OGFOD3: variants seen among roughly 807,000 people sequenced by gnomAD.
OGFOD3 encodes the protein 2-oxoglutarate and iron-dependent oxygenase domain-containing protein 3.
A neutral mutation model predicts 39.8 loss-of-function variants in OGFOD3; 35 were observed. That is an observed-to-expected ratio of 0.88 (90% CI 0.67 to 1.17). The LOEUF (loss-of-function observed/expected upper bound fraction) is 1.17. OGFOD3 is among the 50% of genes most tolerant of loss of function. The probability of loss-of-function intolerance (pLI) is 0.00; values close to 1 mark genes in which losing one functional copy is unlikely to be tolerated. For synonymous variants in OGFOD3, 200 were observed against 192.0 expected, an observed-to-expected ratio of 1.04 and a Z score of -0.34; for missense variants, 438 against 454.5, an observed-to-expected ratio of 0.96 and a Z score of 0.33.
intron 7 of OGFOD3, among the ~76,000 whole-genome samples, chr17:82,398,812 A>G (rs567558437): frequency 2.8e-4 from 43 of 151,570 alleles, no homozygotes; most frequent in Admixed American, 1.2e-3. Context: ...GCTTTAAACA[A>G]TCCTCCTGCC....
In OGFOD3 at chr17:82,415,320, A is replaced by G; in HGVS notation, c.304+78T>C. 7.0e-7 allele frequency: 1 copy of G among 1,423,284 alleles called. No individual in the cohort carries two copies. The highest frequency in any genetic ancestry group is 9.8e-7 in the Non-Finnish European group (1 of 1,024,530). The allele number at this position is 1,423,284 out of a possible 1,614,324, so 88.2% of individuals were successfully genotyped here. ...CCCCCAAGCATACCACATCCAACCC[A>G]ATTCCCACCCCTTCGTCGCAGCCAA... On this transcript the variant is annotated intron_variant, in intron 2 of 8. Coordinates refer to ENST00000313056, the MANE Select transcript of OGFOD3 (RefSeq NM_024648.3). This position sits in a 1 kb window ranked among gnomAD's most constrained non-coding sequence, Gnocchi z 5.3.
intron 7 of OGFOD3, among the ~76,000 whole-genome samples, chr17:82,398,886 C>T (rs372806022): frequency 1.4e-5 from 2 of 142,882 alleles, no homozygotes; most frequent in Non-Finnish European, 1.5e-5. Flanking sequence ...TTTTTCTTTT[C>T]TATTTTTTTT....
chr17:82,415,663 G>C lies in OGFOD3; in HGVS notation c.75-36C>G. 9 of 1,554,820 alleles carry C rather than the reference G, an allele frequency of 5.8e-6. No individual in the cohort carries two copies. Among genetic ancestry groups the C allele is most frequent in the Non-Finnish European group, 7.9e-6 (9 of 1,141,858 alleles). On this transcript the variant is annotated intron_variant, in intron 1 of 8. Transcript: ENST00000313056. This position sits in a 1 kb window ranked among gnomAD's most constrained non-coding sequence, Gnocchi z 5.3. Reference sequence around the variant, plus strand: ...AAAACAGGCCACGTCACCCAAACACGGAGTGAGGCCAGAGAAAACGCTCCC... The same window carrying C: ...AAAACAGGCCACGTCACCCAAACACCGAGTGAGGCCAGAGAAAACGCTCCC...
In OGFOD3 at chr17:82,404,157, G is replaced by A. The variant is rs372506195; in HGVS notation, c.546-67C>T. On this transcript the variant is annotated intron_variant, in intron 6 of 8. Coordinates refer to ENST00000313056, the MANE Select transcript of OGFOD3 (RefSeq NM_024648.3). This position sits in a 1 kb window ranked among gnomAD's most constrained non-coding sequence, Gnocchi z 4.5. The stretch of plus-strand genomic sequence containing the variant: ...AGGGGACGCTCGTGGGTCCCAACCC[G>A]TGGGTGGCAGGAAAGGAACCAGCCT... The A allele has an allele frequency of 4.2e-4, 618 of 1,465,116 alleles. 4 individuals are homozygous for A. In the African/African-American group the frequency reaches 7.9e-3, roughly 19 times the overall value. 90.8% of individuals were successfully genotyped at this position (1,465,116 alleles called of 1,614,324 possible).
chr17:82,392,644 A>C lies in OGFOD3; in HGVS notation c.824-110T>G. 14 of 1,269,362 alleles carry C rather than the reference A, an allele frequency of 1.1e-5. No individual in the cohort carries two copies. The highest frequency in any genetic ancestry group is 1.4e-5 in the Non-Finnish European group (13 of 930,842). The allele number at this position is 1,269,362 out of a possible 1,614,324, so 78.6% of individuals were successfully genotyped here. ...CAACTATAACCAATCAACACAACCA[A>C]CCAGGCAGGCTGGAGAAATTGCCCC... is the stretch of plus-strand genomic sequence containing the variant. On this transcript the variant is annotated intron_variant, in intron 8 of 8. Transcript: ENST00000313056. This position sits in a 1 kb window ranked among gnomAD's most constrained non-coding sequence, Gnocchi z 4.2.
At chr17:82,417,843 C>G (rs1284307275) in intron 1 of OGFOD3, among the ~76,000 whole-genome samples, 1 of 152,000 alleles carries the variant, frequency 6.6e-6, no homozygotes, top group Non-Finnish European at 1.5e-5. Flanking sequence ...TGGGCACTCC[C>G]CAAAAGAGCA....
Position 82,394,666 on chromosome 17 carries a change from G to A in OGFOD3, c.824-2132C>T, listed in dbSNP as rs1008632522. ...CCCGGCTCCCAGGGGGGACCTCTGA[G>A]CCCTCAGAACATCCTGCCTGATAGG... is the stretch of plus-strand genomic sequence containing the variant. On this transcript the variant is annotated intron_variant, in intron 8 of 8. Transcript: ENST00000313056. 443 of 683,790 alleles carry A rather than the reference G, an allele frequency of 6.5e-4. 2 individuals carry two copies. Among genetic ancestry groups the A allele is most frequent in the Non-Finnish European group, 4.5e-4 (189 of 421,494 alleles). The allele number at this position is 683,790 out of a possible 1,614,324, so 42.4% of individuals were successfully genotyped here.
chr17:82,414,511 AAG>A (rs1308114325), intron 2 of OGFOD3, among the ~76,000 whole-genome samples: 2 of 152,340 alleles, frequency 1.3e-5, no homozygotes, highest in African/African-American at 2.4e-5. Context: ...GCATTCAAAA[AAG>A]AGTTTTGGAA....
Position 82,415,632 on chromosome 17 carries a change from G to T in OGFOD3, c.75-5C>A. 6.2e-7 allele frequency: 1 copy of T among 1,603,588 alleles called. No individual in the cohort carries two copies. Among genetic ancestry groups the T allele is most frequent in the South Asian group, 1.1e-5 (1 of 90,560 alleles). On this transcript the variant is annotated splice_polypyrimidine_tract_variant and splice_region_variant and intron_variant, in intron 1 of 8. Transcript: ENST00000313056. This position sits in a 1 kb window ranked among gnomAD's most constrained non-coding sequence, Gnocchi z 5.3. ...GGGGCTCGGTCCTTCTTGGTGCTGA[G>T]AACAGAAAACAGGCCACGTCACCCA...
At position 82,406,595 on chromosome 17, in the gene OGFOD3, GT is replaced by G. The variant is rs869198129; in HGVS notation, c.424-114del. On this transcript the variant is annotated intron_variant, in intron 4 of 8. Transcript: ENST00000313056. This position sits in a 1 kb window ranked among gnomAD's most constrained non-coding sequence, Gnocchi z 5.2. ...GGTCTGGCCAGCACACACCTCAGGT[GT>G]TTTTTTGTTTTTGTTTTTGTTTTTT... is the stretch of plus-strand genomic sequence containing the variant. The G allele has an allele frequency of 8.0e-6, 7 of 873,256 alleles. No individual in the cohort carries two copies. Among genetic ancestry groups the G allele is most frequent in the East Asian group, 2.6e-5 (1 of 38,636 alleles). 54.1% of individuals were successfully genotyped at this position (873,256 alleles called of 1,614,324 possible).
rs9912381 is a variant in OGFOD3, at chr17:82,406,147, C to T, written c.488+271G>A. 5.6e-3 allele frequency among the ~76,000 whole-genome samples: 849 copies of T among 152,282 alleles called. 8 individuals are homozygous for T. Among genetic ancestry groups the T allele is most frequent in the African/African-American group, 0.019 (797 of 41,550 alleles). On this transcript the variant is annotated intron_variant, in intron 5 of 8. Coordinates refer to ENST00000313056, the MANE Select transcript of OGFOD3 (RefSeq NM_024648.3). The surrounding 1 kb of genome is among the most constrained non-coding windows in gnomAD (Gnocchi z 5.2). Reference sequence around the variant, plus strand: ...CTGCTGCCTCTTGCTCCCATCCCTTCTGTCCCTGGGCCCACAAAAACACCA... The same window carrying T: ...CTGCTGCCTCTTGCTCCCATCCCTTTTGTCCCTGGGCCCACAAAAACACCA...
intron 8 of OGFOD3, chr17:82,394,688 T>C (rs546858660): frequency 1.7e-6 from 1 of 582,360 alleles, no homozygotes; most frequent in Non-Finnish European, 3.0e-6. Context: ...TCCTGCCTGA[T>C]AGGAGAACCT....
At position 82,404,960 on chromosome 17, in the gene OGFOD3, C is replaced by T. The variant is rs1048362380; in HGVS notation, c.545+364G>A. On this transcript the variant is annotated intron_variant, in intron 6 of 8. Transcript: ENST00000313056. The surrounding 1 kb of genome is among the most constrained non-coding windows in gnomAD (Gnocchi z 4.5). ...TTCACCATGTTGGCTAGGCTGGTCTCGAACTCCTGACCTCAGGTGATCCAC... is the reference window on the plus strand; with the variant it reads ...TTCACCATGTTGGCTAGGCTGGTCTTGAACTCCTGACCTCAGGTGATCCAC... 1.1e-4 allele frequency among the ~76,000 whole-genome samples: 17 copies of T among 152,116 alleles called. No individual in the cohort carries two copies. The highest frequency in any genetic ancestry group is 7.9e-4 in the Admixed American group (12 of 15,262).
rs116905329 is a variant in OGFOD3, at chr17:82,406,083, G to A, written c.488+335C>T. On this transcript the variant is annotated intron_variant, in intron 5 of 8. Coordinates refer to ENST00000313056, the MANE Select transcript of OGFOD3 (RefSeq NM_024648.3). This position sits in a 1 kb window ranked among gnomAD's most constrained non-coding sequence, Gnocchi z 5.2. ...CCCCTCATGGAGCGTCAAAGGCCCC[G>A]TTGGATTCTTGGAAGCTGCTCCTGG... Among the ~76,000 whole-genome samples, 2 of 152,282 alleles carry A rather than the reference G, an allele frequency of 1.3e-5. No homozygotes were observed. Among genetic ancestry groups the A allele is most frequent in the Non-Finnish European group, 2.9e-5 (2 of 68,022 alleles).
chr17:82,391,163 G>A lies in OGFOD3; in HGVS notation c.*1235C>T, dbSNP rs1204860748. ...CAGCTGGGTCAGGGCATCCAGGAGA[G>A]CCCAGCTTCCAACACCACTCAGGGT... On this transcript the variant is annotated 3_prime_UTR_variant, in exon 9 of 9. Coordinates refer to ENST00000313056, the MANE Select transcript of OGFOD3 (RefSeq NM_024648.3). This position sits in a 1 kb window ranked among gnomAD's most constrained non-coding sequence, Gnocchi z 5.1. 1 of 153,290 alleles carries A rather than the reference G, an allele frequency of 6.5e-6. No individual in the cohort carries two copies. Among genetic ancestry groups the A allele is most frequent in the Non-Finnish European group, 1.5e-5 (1 of 68,636 alleles). The allele number at this position is 153,290 out of a possible 1,614,324, so 9.5% of individuals were successfully genotyped here. A position where few individuals can be genotyped will look rare whatever the true frequency, so the allele number is the denominator to read the frequency against.
At chr17:82,410,717 T>C (rs1335484797) in intron 3 of OGFOD3, among the ~76,000 whole-genome samples, 1 of 139,782 alleles carries the variant, frequency 7.2e-6, no homozygotes, top group African/African-American at 2.7e-5. Flanking sequence ...ATTCTTTTTT[T>C]TTTTTTTTTT....
chr17:82,412,344 G>A (rs902657573), intron 2 of OGFOD3, among the ~76,000 whole-genome samples: 2 of 140,196 alleles, frequency 1.4e-5, no homozygotes, highest in African/African-American at 5.4e-5. Flanking sequence ...GGTTATCGGG[G>A]CAGGGGCATG....
intron 8 of OGFOD3, 67 bp downstream of exon 8, chr17:82,398,129 C>G: frequency 6.3e-7 from 1 of 1,592,976 alleles, no homozygotes; most frequent in Non-Finnish European, 8.6e-7. Context: ...CAGGGACACG[C>G]CCCCCACACC....
At chr17:82,412,316 C>T (rs1217069939) in intron 2 of OGFOD3, among the ~76,000 whole-genome samples, 3 of 126,536 alleles carry the variant, frequency 2.4e-5, no homozygotes, top group South Asian at 2.8e-4. Flanking sequence ...AGGAGCAACA[C>T]GGTCGGGGCA....
Sources: allele counts gnomAD v4.1 joint callset (sites outside exome capture counted in the v4.1 genomes callset), GRCh38; gene constraint gnomAD v4.1.1; non-coding constraint Gnocchi (gnomAD v3.1); transcripts MANE v1.5; gene names NCBI Gene and HGNC (gene_info 2026-07-23, HGNC 2026-07-21).